The following DIAPH3 variants were observed in gnomAD, a reference collection of about 807,000 sequenced individuals.
The protein encoded by DIAPH3 is protein diaphanous homolog 3.
In DIAPH3, 117 loss-of-function variants were observed where a neutral mutation model predicts 144.3. The observed-to-expected ratio is 0.81, with a 90% CI of 0.70 to 0.95. The LOEUF (loss-of-function observed/expected upper bound fraction) is 0.95, where lower values mean the gene tolerates loss of function less well. DIAPH3 is among the 40% of genes least tolerant of loss of function. The pLI, the probability that DIAPH3 is intolerant of heterozygous loss-of-function variation, is 0.00. For synonymous variants in DIAPH3, 519 were observed against 488.9 expected (o/e 1.06, Z -0.81); for missense variants, 1,421 against 1,412.7 (o/e 1.01, Z -0.09).
chr13:59,851,500 A>C (rs891197090), intron 22 of DIAPH3, among the ~76,000 whole-genome samples: 1 of 152,144 alleles, frequency 6.6e-6, no homozygotes, highest in African/African-American at 2.4e-5. Flanking sequence ...GACTTCTTTC[A>C]TTGGCTTGGT....
chr13:59,760,748 G>C (rs1163442423), intron 27 of DIAPH3, among the ~76,000 whole-genome samples: 2 of 152,022 alleles, frequency 1.3e-5, no homozygotes, highest in Non-Finnish European at 2.9e-5. Context: ...ACTAGGTGAG[G>C]GTACATACAG....
chr13:59,918,548 G>A (rs1239385720), intron 18 of DIAPH3, among the ~76,000 whole-genome samples: 8 of 152,106 alleles, frequency 5.3e-5, no homozygotes, highest in Non-Finnish European at 2.9e-5. Flanking sequence ...TAAGAACCAC[G>A]AAAGTAAGCC....
At chr13:59,955,379 C>T (rs1469360383) in intron 17 of DIAPH3, among the ~76,000 whole-genome samples, 4 of 152,096 alleles carry the variant, frequency 2.6e-5, no homozygotes, top group African/African-American at 7.2e-5. Context: ...CCCCTGCACA[C>T]GGTCTCCTGT....
chr13:60,014,435 T>C (rs949620055), intron 7 of DIAPH3, among the ~76,000 whole-genome samples: 1 of 152,138 alleles, frequency 6.6e-6, no homozygotes, highest in Non-Finnish European at 1.5e-5. Context: ...CATATTTTCT[T>C]TGAAAATAAT....
chr13:59,738,110 T>C (rs556450412), intron 27 of DIAPH3, among the ~76,000 whole-genome samples: 10 of 152,152 alleles, frequency 6.6e-5, no homozygotes, highest in African/African-American at 2.4e-4. Context: ...GAGGCTGCAG[T>C]GAGCTGAGAT....
chr13:60,130,960 G>A (rs920065554), intron 2 of DIAPH3, among the ~76,000 whole-genome samples: 19 of 152,166 alleles, frequency 1.2e-4, no homozygotes, highest in African/African-American at 4.3e-4. Context: ...ATGGCATGCC[G>A]AAGCCACCCT....
At chr13:60,098,934 A>G (rs1181275269) in intron 3 of DIAPH3, among the ~76,000 whole-genome samples, 4 of 152,176 alleles carry the variant, frequency 2.6e-5, no homozygotes, top group African/African-American at 9.7e-5. Context: ...TGAGGTTAAA[A>G]TTTCCATGGA....
intron 13 of DIAPH3, among the ~76,000 whole-genome samples, 180 bp downstream of exon 13, chr13:59,983,589 A>G (rs1229591710): frequency 1.3e-5 from 2 of 151,588 alleles, no homozygotes; most frequent in Non-Finnish European, 3.0e-5. Context: ...GTTCTGCACC[A>G]CCAGTGCAAA....
At chr13:60,005,533 T>C (rs901159644) in intron 9 of DIAPH3, among the ~76,000 whole-genome samples, 5 of 152,138 alleles carry the variant, frequency 3.3e-5, no homozygotes, top group Non-Finnish European at 5.9e-5. Context: ...CAGGCTGGAG[T>C]GCAGTGGCAT....
intron 1 of DIAPH3, chr13:60,144,902 G>A (rs1471158531): frequency 6.6e-6 from 1 of 152,144 alleles, no homozygotes; most frequent in Non-Finnish European, 1.5e-5. Flanking sequence ...CTCCTTTCAG[G>A]ATTACAGTAG....
chr13:59,847,820 C>A (rs1161754473), intron 22 of DIAPH3, among the ~76,000 whole-genome samples: 2 of 152,136 alleles, frequency 1.3e-5, no homozygotes, highest in Admixed American at 6.5e-5. Flanking sequence ...ATTAGCTGGA[C>A]TTCAAAAAAG....
At chr13:59,953,115 G>T (rs568176702) in intron 17 of DIAPH3, among the ~76,000 whole-genome samples, 4 of 152,228 alleles carry the variant, frequency 2.6e-5, no homozygotes, top group African/African-American at 9.6e-5. Context: ...TGGGAGTTGA[G>T]CATGGGAACC....
chr13:59,692,118 C>T (rs73208904), intron 27 of DIAPH3, among the ~76,000 whole-genome samples: 15,768 of 134,522 alleles, frequency 0.12, 1,284 homozygotes, highest in African/African-American at 0.23. Context: ...GTACAGATTA[C>T]TCATAGCTTT....
At chr13:60,084,634 AC>A (rs371161894) in intron 4 of DIAPH3, among the ~76,000 whole-genome samples, 3 of 152,256 alleles carry the variant, frequency 2.0e-5, no homozygotes, top group African/African-American at 7.2e-5. Context: ...ATCTACCATA[AC>A]AGTAATATAC....
intron 22 of DIAPH3, among the ~76,000 whole-genome samples, chr13:59,853,936 A>T (rs976567140): frequency 1.3e-5 from 2 of 152,166 alleles, no homozygotes; most frequent in Non-Finnish European, 2.9e-5. Context: ...GCCAAAGATG[A>T]CTGTAGTGGG....
At chr13:59,697,185 C>T (rs342567) in intron 27 of DIAPH3, among the ~76,000 whole-genome samples, 86,488 of 151,290 alleles carry the variant, frequency 0.57, 25,589 homozygotes, top group East Asian at 0.68. Context: ...CAGGGCCGGG[C>T]GCGGTGGCTC....
At chr13:60,025,294 A>G (rs574507091) in intron 5 of DIAPH3, among the ~76,000 whole-genome samples, 16 of 151,826 alleles carry the variant, frequency 1.1e-4, no homozygotes, top group Non-Finnish European at 1.5e-5. Flanking sequence ...AAAGGCAGAA[A>G]GACAACCCAG....
chr13:59,785,213 T>TG (rs1408707762), intron 25 of DIAPH3, among the ~76,000 whole-genome samples: 3 of 152,194 alleles, frequency 2.0e-5, no homozygotes, highest in Non-Finnish European at 4.4e-5. Flanking sequence ...TGGAATTTTA[T>TG]GGGGAAAAAA....
chr13:60,013,072 T>C, intron 7 of DIAPH3: 2 of 985,440 alleles, frequency 2.0e-6, no homozygotes, highest in Non-Finnish European at 2.4e-6. Context: ...AAAGTGCATT[T>C]AATGAGGGCT....
Sources: gnomAD v4.1 joint callset for allele counts (sites outside exome capture counted in the v4.1 genomes callset) on GRCh38, gnomAD v4.1.1 for gene constraint, MANE v1.5 for transcripts, NCBI Gene and HGNC (gene_info 2026-07-23, HGNC 2026-07-21) for gene names.